The following PBX1 variants were observed in gnomAD, a reference collection of about 807,000 sequenced individuals.
The protein encoded by PBX1 is PBX homeobox 1.
PBX1 carries 6 observed loss-of-function variants against 53.4 expected under a neutral mutation model. That is an observed-to-expected ratio of 0.11 (90% CI 0.06 to 0.22). The LOEUF is 0.22. Among genes scored for constraint, PBX1 ranks in the 10% least tolerant of loss-of-function variants. The probability of loss-of-function intolerance (pLI) is 1.00; values close to 1 mark genes in which losing one functional copy is unlikely to be tolerated. For synonymous variants in PBX1, 204 were observed against 212.3 expected (o/e 0.96, Z 0.34); for missense variants, 251 against 551.4 (o/e 0.46, Z 5.46).
chr1:164,566,845 A>G (rs1000633903), intron 2 of PBX1, among the ~76,000 whole-genome samples: 1 of 152,228 alleles, frequency 6.6e-6, no homozygotes, highest in African/African-American at 2.4e-5. Context: ...TAATAGCTAT[A>G]TATGGCACTT....
At chr1:164,575,249 A>G (rs922539768) in intron 2 of PBX1, among the ~76,000 whole-genome samples, 1 of 152,208 alleles carries the variant, frequency 6.6e-6, no homozygotes, top group Non-Finnish European at 1.5e-5. Context: ...TGGTGGAGTT[A>G]CTTGTTCAAC....
chr1:164,606,906 A>G (rs1656596224), intron 2 of PBX1, among the ~76,000 whole-genome samples: 1 of 152,228 alleles, frequency 6.6e-6, no homozygotes, highest in African/African-American at 2.4e-5. Flanking sequence ...TCATTTATTT[A>G]CAGAAGATGG....
rs1032343769 is a variant in PBX1, at chr1:164,847,900, A to G, written c.*1224A>G. 1.6e-5 allele frequency: 17 copies of G among 1,054,762 alleles called. No individual in the cohort carries two copies. The highest frequency in any genetic ancestry group is 8.6e-4 in the Middle Eastern group (2 of 2,336). 65.3% of individuals were successfully genotyped at this position (1,054,762 alleles called of 1,614,324 possible). A position where few individuals can be genotyped will look rare whatever the true frequency, so the allele number is the denominator to read the frequency against. On this transcript the variant is annotated 3_prime_UTR_variant, in exon 9 of 9. Coordinates refer to ENST00000420696, the MANE Select transcript of PBX1 (RefSeq NM_002585.4). Reference sequence around the variant, plus strand: ...TCCAGTGTAAACTACTCTTGTTCCCACCACCTCTGGAGCACTCAGGGAGCC... The same window carrying G: ...TCCAGTGTAAACTACTCTTGTTCCCGCCACCTCTGGAGCACTCAGGGAGCC...
intron 4 of PBX1, among the ~76,000 whole-genome samples, chr1:164,806,662 G>T (rs1025247005): frequency 6.6e-6 from 1 of 152,188 alleles, no homozygotes; most frequent in Non-Finnish European, 1.5e-5. Flanking sequence ...CCAGCCAAGT[G>T]ACCTTTGAGC....
intron 2 of PBX1, among the ~76,000 whole-genome samples, chr1:164,723,518 A>G (rs1163762686): frequency 1.3e-5 from 2 of 152,176 alleles, no homozygotes; most frequent in Non-Finnish European, 2.9e-5. Flanking sequence ...AGATAGATGA[A>G]TATACAAACC....
intron 2 of PBX1, among the ~76,000 whole-genome samples, chr1:164,655,302 G>A (rs1293300175): frequency 1.3e-5 from 2 of 151,868 alleles, no homozygotes; most frequent in Admixed American, 6.6e-5. Flanking sequence ...TAGTAGAGAC[G>A]GGGTTTCTCC....
At chr1:164,652,544 A>G (rs1393097965) in intron 2 of PBX1, among the ~76,000 whole-genome samples, 3 of 152,192 alleles carry the variant, frequency 2.0e-5, no homozygotes, top group Admixed American at 6.5e-5. Flanking sequence ...GCTCAAGGTA[A>G]TAGAACTAGA....
chr1:164,716,266 A>C (rs914504185), intron 2 of PBX1, among the ~76,000 whole-genome samples: 3 of 152,126 alleles, frequency 2.0e-5, no homozygotes, highest in Non-Finnish European at 2.9e-5. Context: ...TCCTTCTGGG[A>C]TCTCAGAACC....
chr1:164,846,722 C>T lies in PBX1; in HGVS notation c.*46C>T. The T allele has an allele frequency of 6.2e-7, 1 of 1,613,760 alleles. No homozygotes were observed. Among genetic ancestry groups the T allele is most frequent in the Non-Finnish European group, 8.5e-7 (1 of 1,179,892 alleles). ...GGCTGACCCTGTGCCCCAGTTGGGG[C>T]AGGGGCAGGAGGGAGGGTTTCTCTC... On this transcript the variant is annotated 3_prime_UTR_variant, in exon 9 of 9. Transcript: ENST00000420696.
intron 2 of PBX1, among the ~76,000 whole-genome samples, chr1:164,762,245 A>G (rs993551153): frequency 6.6e-6 from 1 of 152,198 alleles, no homozygotes; most frequent in African/African-American, 2.4e-5. Context: ...TGCCAGCTTA[A>G]AAGACAAAGT....
intron 2 of PBX1, among the ~76,000 whole-genome samples, chr1:164,726,962 A>G (rs1015853324): frequency 6.6e-6 from 1 of 152,158 alleles, no homozygotes; most frequent in African/African-American, 2.4e-5. Context: ...ATAATGCAGG[A>G]AGAAACCTTC....
intron 2 of PBX1, among the ~76,000 whole-genome samples, chr1:164,734,476 A>G (rs1665163374): frequency 6.6e-6 from 1 of 152,224 alleles, no homozygotes; most frequent in Non-Finnish European, 1.5e-5. Context: ...TGTGCTTGCC[A>G]TTACTCACCA....
At chr1:164,845,380 C>T (rs1671518421) in intron 8 of PBX1, among the ~76,000 whole-genome samples, 1 of 146,588 alleles carries the variant, frequency 6.8e-6, no homozygotes, top group African/African-American at 2.5e-5. Flanking sequence ...TGCTCCCTCC[C>T]AAGCAGCAAC....
In PBX1 at chr1:164,752,206, T is replaced by TTC. The variant is rs1553240571; in HGVS notation, c.266-40287_266-40286insCT. Among the ~76,000 whole-genome samples, 360 of 143,124 alleles carry TTC rather than the reference T, an allele frequency of 2.5e-3. 4 individuals are homozygous for TTC. Among genetic ancestry groups the TTC allele is most frequent in the African/African-American group, 8.9e-3 (343 of 38,686 alleles). 93.9% of individuals were successfully genotyped at this position (143,124 alleles called of 152,430 possible). ...TGTCCATTTAGACCCCTTTAAGGTT[T>TTC]TGTGTGTGTGTGTGTGTGTGTGTGT... is the stretch of plus-strand genomic sequence containing the variant. On this transcript the variant is annotated intron_variant, in intron 2 of 8. Coordinates refer to ENST00000420696, the MANE Select transcript of PBX1 (RefSeq NM_002585.4).
At chr1:164,684,574 A>T (rs1450565681) in intron 2 of PBX1, 1 of 152,178 alleles carries the variant, frequency 6.6e-6, no homozygotes, top group African/African-American at 2.4e-5. Flanking sequence ...CTGTATTTAG[A>T]TATTTCTCTG....
At chr1:164,740,433 C>T (rs550524503) in intron 2 of PBX1, among the ~76,000 whole-genome samples, 1 of 152,026 alleles carries the variant, frequency 6.6e-6, no homozygotes, top group East Asian at 1.9e-4. Context: ...CAGACTTTAT[C>T]CCTAATAGGG....
At chr1:164,754,879 G>C (rs57060767) in intron 2 of PBX1, among the ~76,000 whole-genome samples, 1,586 of 152,188 alleles carry the variant, frequency 0.01, 34 homozygotes, top group African/African-American at 0.036. Flanking sequence ...AACTTGTTTT[G>C]TCTTTATCTT....
chr1:164,590,337 A>G (rs1433611856), intron 2 of PBX1: 1 of 455,832 alleles, frequency 2.2e-6, no homozygotes, highest in Non-Finnish European at 4.4e-6. Flanking sequence ...GAGCTACCAC[A>G]GGGCTCTCCT....
At chr1:164,874,251 A>T (rs540237756) in intron 2 of PBX1, among the ~76,000 whole-genome samples, 7 of 152,196 alleles carry the variant, frequency 4.6e-5, no homozygotes, top group Non-Finnish European at 1.0e-4. Context: ...ATAGCCAGGG[A>T]TTAGGCCCTC....
Sources: allele counts gnomAD v4.1 joint callset (sites outside exome capture counted in the v4.1 genomes callset), GRCh38; gene constraint gnomAD v4.1.1; transcripts MANE v1.5; gene names NCBI Gene and HGNC (gene_info 2026-07-23, HGNC 2026-07-21).